The following EFCAB6 variants were observed in gnomAD, a reference collection of about 807,000 sequenced individuals.
The protein encoded by EFCAB6 is EF-hand calcium binding domain 6.
Under a neutral mutation model 169.8 loss-of-function variants are expected in EFCAB6, and 156 were observed. That is an observed-to-expected ratio of 0.92 (90% CI 0.81 to 1.05). The LOEUF is 1.05. Among genes scored for constraint, EFCAB6 ranks in the 50% least tolerant of loss-of-function variants. EFCAB6 has a pLI of 0.00. For missense variants in EFCAB6, 1,800 were observed against 1,829.1 expected (o/e 0.98, Z 0.29); for synonymous variants, 698 against 676.4 (o/e 1.03, Z -0.50).
At chr22:43,646,557 A>T (rs2148017905) in intron 17 of EFCAB6, among the ~76,000 whole-genome samples, 1 of 152,362 alleles carries the variant, frequency 6.6e-6, no homozygotes, top group South Asian at 2.1e-4. Context: ...TGTAGACCCT[A>T]GCATAATGAG....
chr22:43,658,342 A>G (rs961685561), intron 17 of EFCAB6, among the ~76,000 whole-genome samples: 2 of 152,188 alleles, frequency 1.3e-5, no homozygotes, highest in Non-Finnish European at 2.9e-5. Flanking sequence ...CGACCTAGGG[A>G]TGTGTGAACA....
At chr22:43,741,094 C>A (rs2060353109) in intron 6 of EFCAB6, among the ~76,000 whole-genome samples, 1 of 152,104 alleles carries the variant, frequency 6.6e-6, no homozygotes, top group Non-Finnish European at 1.5e-5. Context: ...GCCGTGGTGT[C>A]CAAGACTTGT....
intron 5 of EFCAB6, among the ~76,000 whole-genome samples, chr22:43,758,317 AT>A (rs879292339): frequency 4.6e-5 from 7 of 151,980 alleles, no homozygotes; most frequent in African/African-American, 7.3e-5. Context: ...TCTGTTGTAG[AT>A]TTTTTTCCCC....
intron 15 of EFCAB6, 41 bp from the exon 16 acceptor site, chr22:43,669,086 A>C: frequency 6.7e-7 from 1 of 1,497,748 alleles, no homozygotes; most frequent in Non-Finnish European, 8.9e-7. Context: ...CAGTAGAGTA[A>C]TTAAAACGGA....
intron 6 of EFCAB6, among the ~76,000 whole-genome samples, chr22:43,743,241 G>A (rs2060437719): frequency 6.6e-6 from 1 of 152,246 alleles, no homozygotes; most frequent in African/African-American, 2.4e-5. Context: ...AAGCCGGAGA[G>A]TGGGGAAAAT....
chr22:43,569,559 A>G (rs932401), intron 26 of EFCAB6, among the ~76,000 whole-genome samples: 113,562 of 152,202 alleles, frequency 0.75, 42,500 homozygotes, highest in Admixed American at 0.81. Flanking sequence ...GTTCCCACTG[A>G]ACCACCACGT....
chr22:43,614,264 A>G (rs2374773), intron 21 of EFCAB6, among the ~76,000 whole-genome samples: 103,968 of 149,718 alleles, frequency 0.69, 36,265 homozygotes, highest in Admixed American at 0.77. Flanking sequence ...TCATGACAGT[A>G]GTACTGGTTA....
In EFCAB6 at chr22:43,534,830, C is replaced by T. The variant is rs1384897855; in HGVS notation, c.4091G>A (p.Cys1364Tyr). ...KFNLDISKEE[C>Y]QQLIIKYDLK... ...GTCGTATTTTATAATGAGCTGCTGACACTCCTCTTTGCTTATGTCCAGGTT... is the reference window on the plus strand; with the variant it reads ...GTCGTATTTTATAATGAGCTGCTGATACTCCTCTTTGCTTATGTCCAGGTT... The change falls in exon 30 of 32, where the codon TGT (cysteine) becomes TAT (tyrosine). Residue 1364 changes from cysteine (C) to tyrosine (Y), a missense_variant. Transcript: ENST00000262726. The T allele has an allele frequency of 1.2e-6, 2 of 1,612,748 alleles. No homozygotes were observed. Among genetic ancestry groups the T allele is most frequent in the Non-Finnish European group, 1.7e-6 (2 of 1,179,698 alleles).
At chr22:43,722,009 T>C (rs1313363582) in intron 8 of EFCAB6, among the ~76,000 whole-genome samples, 1 of 151,978 alleles carries the variant, frequency 6.6e-6, no homozygotes, top group Non-Finnish European at 1.5e-5. Flanking sequence ...AGTCCTAATA[T>C]CTAAAATCTG....
In EFCAB6 at chr22:43,615,874, A is replaced by G. The variant is rs2053650761; in HGVS notation, c.2514T>C (p.His838=). ...TTTTTGCTTTGGTAACAAGATACTGATGAGCCTGCTCACAAGCTAGTTCTG... is the reference window on the plus strand; with the variant it reads ...TTTTTGCTTTGGTAACAAGATACTGGTGAGCCTGCTCACAAGCTAGTTCTG... The part of the protein sequence containing the change: ...ADSELACEQA[H]QYLVTKAKNR... Residue 838 remains histidine (H), a synonymous_variant, in exon 21 of 32, where the codon CAT becomes CAC. Coordinates refer to ENST00000262726, the MANE Select transcript of EFCAB6 (RefSeq NM_022785.4). 3 of 1,613,756 alleles carry G rather than the reference A, an allele frequency of 1.9e-6. No individual in the cohort carries two copies. The South Asian group carries it at 3.3e-5, about 18-fold the overall frequency.
At chr22:43,645,167 G>T (rs536690244) in intron 17 of EFCAB6, among the ~76,000 whole-genome samples, 86 of 152,268 alleles carry the variant, frequency 5.6e-4, no homozygotes, top group Admixed American at 2.0e-3. Flanking sequence ...CTCTTTATTT[G>T]CTGCTGTTTA....
chr22:43,736,888 C>T (rs1170004430), intron 6 of EFCAB6, among the ~76,000 whole-genome samples: 1 of 151,948 alleles, frequency 6.6e-6, no homozygotes, highest in Non-Finnish European at 1.5e-5. Flanking sequence ...CAGCCGCCCA[C>T]CCCCCATCTT....
At chr22:43,690,759 T>C (rs1165183638) in intron 10 of EFCAB6, among the ~76,000 whole-genome samples, 1 of 151,538 alleles carries the variant, frequency 6.6e-6, no homozygotes, top group East Asian at 2.0e-4. Context: ...CTCGGTCCCT[T>C]CTGCTTGTTG....
chr22:43,615,716 G>T, intron 21 of EFCAB6, 110 bp downstream of exon 21: 1 of 855,642 alleles, frequency 1.2e-6, no homozygotes, highest in Non-Finnish European at 1.8e-6. Context: ...TGGGTACACA[G>T]AGTTGTTTTC....
intron 17 of EFCAB6, among the ~76,000 whole-genome samples, chr22:43,643,723 G>A (rs1182316147): frequency 6.6e-6 from 1 of 152,198 alleles, no homozygotes; most frequent in African/African-American, 2.4e-5. Context: ...GTTGTGTGCC[G>A]TATGTTTGGA....
intron 27 of EFCAB6, among the ~76,000 whole-genome samples, chr22:43,541,270 G>A (rs911187035): frequency 3.3e-5 from 5 of 152,236 alleles, no homozygotes; most frequent in African/African-American, 1.2e-4. Flanking sequence ...TAGAGTGACT[G>A]TCTTGGGCTT....
At chr22:43,573,905 C>T (rs1011073948) in intron 26 of EFCAB6, among the ~76,000 whole-genome samples, 2 of 152,084 alleles carry the variant, frequency 1.3e-5, no homozygotes, top group Non-Finnish European at 2.9e-5. Flanking sequence ...ATGAAATTGT[C>T]AATATTCAAT....
intron 27 of EFCAB6, among the ~76,000 whole-genome samples, chr22:43,541,219 G>C (rs536210522): frequency 6.6e-6 from 1 of 152,194 alleles, no homozygotes; most frequent in Non-Finnish European, 1.5e-5. Flanking sequence ...GCCAGAAACC[G>C]AGTTGCTTCT....
chr22:43,537,356 G>A lies in EFCAB6; in HGVS notation c.4048+21C>T. 1.2e-6 allele frequency: 2 copies of A among 1,612,604 alleles called. No individual in the cohort carries two copies. Among genetic ancestry groups the A allele is most frequent in the Non-Finnish European group, 1.7e-6 (2 of 1,179,030 alleles). ...ACAGGGGCTGACCACATATTACCAA[G>A]CAGATAGAATCTGAACGAACCCAGG... On this transcript the variant is annotated intron_variant, in intron 29 of 31. Transcript: ENST00000262726. The surrounding 1 kb of genome is among the most constrained non-coding windows in gnomAD (Gnocchi z 4.3).
Sources: gnomAD v4.1 joint callset for allele counts (sites outside exome capture counted in the v4.1 genomes callset) on GRCh38, gnomAD v4.1.1 for gene constraint, Gnocchi (gnomAD v3.1) non-coding constraint, MANE v1.5 for transcripts, NCBI Gene and HGNC (gene_info 2026-07-23, HGNC 2026-07-21) for gene names.